The following TTC23 variants were observed in gnomAD, a reference collection of about 807,000 sequenced individuals.
TTC23 encodes tetratricopeptide repeat domain 23.
TTC23 carries 58 observed loss-of-function variants against 55.1 expected under a neutral mutation model. The observed-to-expected ratio is 1.05, with a 90% CI of 0.85 to 1.31. The LOEUF is 1.31. TTC23 is among the 50% of genes most tolerant of loss of function. The pLI, the probability that TTC23 is intolerant of heterozygous loss-of-function variation, is 0.00. For missense variants in TTC23, 516 were observed against 534.4 expected (o/e 0.97, Z 0.34); for synonymous variants, 203 against 199.9 (o/e 1.02, Z -0.13).
chr15:99,171,089 C>G (rs2072862111), intron 10 of TTC23, among the ~76,000 whole-genome samples: 1 of 152,218 alleles, frequency 6.6e-6, no homozygotes, highest in Non-Finnish European at 1.5e-5. Flanking sequence ...TGCACCTGTT[C>G]CAGGACTTCA....
intron 10 of TTC23, among the ~76,000 whole-genome samples, chr15:99,169,445 A>G (rs2072608040): frequency 6.6e-6 from 1 of 152,140 alleles, no homozygotes; most frequent in South Asian, 2.1e-4. Flanking sequence ...AAGGTAAAGG[A>G]CACCTCACTG....
chr15:99,198,515 G>A (rs1384513918), intron 9 of TTC23, among the ~76,000 whole-genome samples: 1 of 152,150 alleles, frequency 6.6e-6, no homozygotes, highest in Non-Finnish European at 1.5e-5. Context: ...AGCTTCCTAA[G>A]TGGTCTAGTT....
intron 12 of TTC23, among the ~76,000 whole-genome samples, chr15:99,149,237 A>G (rs1347874114): frequency 1.3e-5 from 2 of 152,238 alleles, no homozygotes; most frequent in African/African-American, 4.8e-5. Context: ...GTCCTCACAT[A>G]GGTACATGTG....
intron 9 of TTC23, among the ~76,000 whole-genome samples, chr15:99,192,671 G>A (rs542018394): frequency 7.2e-5 from 11 of 152,346 alleles, no homozygotes; most frequent in African/African-American, 2.6e-4. Flanking sequence ...TGCTAGGGCA[G>A]TACAGAAGGG....
intron 4 of TTC23, among the ~76,000 whole-genome samples, chr15:99,229,878 G>C (rs748967903): frequency 2.6e-5 from 4 of 152,180 alleles, no homozygotes; most frequent in Non-Finnish European, 2.9e-5. Flanking sequence ...ACACTGCTCA[G>C]ATCACCACAC....
intron 9 of TTC23, among the ~76,000 whole-genome samples, chr15:99,184,023 C>T (rs867564796): frequency 1.3e-5 from 2 of 152,246 alleles, no homozygotes; most frequent in Middle Eastern, 3.4e-3. Flanking sequence ...GGGTACAAGC[C>T]CCAAGCCTTG....
chr15:99,181,896 T>A (rs1382135585), intron 9 of TTC23, among the ~76,000 whole-genome samples: 1 of 152,112 alleles, frequency 6.6e-6, no homozygotes, highest in Admixed American at 6.5e-5. Context: ...GAGAAAGTCC[T>A]CAGTGGCAGC....
At chr15:99,213,829 T>C (rs1211315481) in intron 8 of TTC23, among the ~76,000 whole-genome samples, 1 of 152,246 alleles carries the variant, frequency 6.6e-6, no homozygotes, top group African/African-American at 2.4e-5. Context: ...TCTTGGCTAT[T>C]ACAAATAATG....
chr15:99,221,797 T>A lies in TTC23; in HGVS notation c.248A>T (p.His83Leu). 1 of 1,614,206 alleles carries A rather than the reference T, an allele frequency of 6.2e-7. No homozygotes were observed. Among genetic ancestry groups the A allele is most frequent in the Non-Finnish European group, 8.5e-7 (1 of 1,180,034 alleles). Residue 83 changes from histidine to leucine, a missense_variant, in exon 6 of 14, where the codon CAT becomes CTT. His to Leu is a moderately conservative substitution (Grantham distance 99, BLOSUM62 -3). Coordinates refer to ENST00000394132, the MANE Select transcript of TTC23 (RefSeq NM_001288615.3). Reference sequence around the variant, plus strand: ...AACATGTGCCTCTGCTAGTTTCCAATGTGAGTCTCCATAGCAAATTCTTGT... The same window carrying A: ...AACATGTGCCTCTGCTAGTTTCCAAAGTGAGTCTCCATAGCAAATTCTTGT... The part of the protein sequence containing the change: ...ALTRICYGDS[H>L]WKLAEAHVNL...
chr15:99,145,636 A>G (rs1474655260), intron 12 of TTC23, among the ~76,000 whole-genome samples: 5 of 151,692 alleles, frequency 3.3e-5, no homozygotes, highest in Non-Finnish European at 5.9e-5. Context: ...TGTTTGAGAG[A>G]CCACACCCCT....
chr15:99,213,355 G>A (rs2077195137), intron 8 of TTC23, among the ~76,000 whole-genome samples: 1 of 152,166 alleles, frequency 6.6e-6, no homozygotes, highest in Non-Finnish European at 1.5e-5. Context: ...AATTCTTGTT[G>A]GCTATTCAGC....
intron 6 of TTC23, among the ~76,000 whole-genome samples, chr15:99,220,653 A>G (rs2077847525): frequency 6.6e-6 from 1 of 152,236 alleles, no homozygotes; most frequent in Non-Finnish European, 1.5e-5. Context: ...TTGGGTGGCA[A>G]TAATGAATAC....
chr15:99,248,164 C>T (rs886895394), intron 1 of TTC23: 1 of 152,206 alleles, frequency 6.6e-6, no homozygotes, highest in Non-Finnish European at 1.5e-5. Context: ...TAAATGTATT[C>T]GGGTAAGAAG....
At chr15:99,193,296 G>A (rs990332176) in intron 9 of TTC23, among the ~76,000 whole-genome samples, 4 of 152,158 alleles carry the variant, frequency 2.6e-5, no homozygotes, top group Admixed American at 2.6e-4. Flanking sequence ...ATATGGTTTG[G>A]CTCTGTGACC....
intron 9 of TTC23, among the ~76,000 whole-genome samples, chr15:99,179,922 T>C (rs970408754): frequency 2.0e-5 from 3 of 152,368 alleles, no homozygotes; most frequent in East Asian, 3.9e-4. Context: ...CTACACTGTC[T>C]TTCCAAACTC....
chr15:99,160,836 A>AC (rs1474159246), intron 11 of TTC23: 1 of 151,712 alleles, frequency 6.6e-6, no homozygotes, highest in African/African-American at 2.4e-5. Context: ...AAATGGTGAA[A>AC]CCCCAACTCT....
At chr15:99,238,130 T>C (rs898787731) in intron 3 of TTC23, among the ~76,000 whole-genome samples, 1 of 151,924 alleles carries the variant, frequency 6.6e-6, no homozygotes, top group African/African-American at 2.4e-5. Context: ...CATGCCTGGC[T>C]AATTTTTTTT....
At position 99,241,114 on chromosome 15, in the gene TTC23, C is replaced by A. The variant is rs138621979; in HGVS notation, c.-114+251G>T. Among the ~76,000 whole-genome samples, 947 of 152,196 alleles carry A rather than the reference C, an allele frequency of 6.2e-3. 15 individuals carry two copies. Among genetic ancestry groups the A allele is most frequent in the African/African-American group, 0.021 (888 of 41,518 alleles). On this transcript the variant is annotated intron_variant, in intron 3 of 13. Coordinates refer to ENST00000394132, the MANE Select transcript of TTC23 (RefSeq NM_001288615.3). ...GGCAGATCACCTGAGGTCGGGAGTT[C>A]GAGGCCAGCCTGACCAACATGGAGA...
intron 2 of TTC23, among the ~76,000 whole-genome samples, chr15:99,245,040 T>C (rs1261370205): frequency 1.3e-5 from 2 of 152,208 alleles, no homozygotes; most frequent in African/African-American, 4.8e-5. Flanking sequence ...ATGGTAATTA[T>C]GTCAAGTGAT....
Sources: allele counts gnomAD v4.1 joint callset (sites outside exome capture counted in the v4.1 genomes callset), GRCh38; gene constraint gnomAD v4.1.1; transcripts MANE v1.5; gene names NCBI Gene and HGNC (gene_info 2026-07-23, HGNC 2026-07-21).